VEGFC: variants seen among roughly 807,000 people sequenced by gnomAD.
VEGFC encodes vascular endothelial growth factor C, also known as FLT4 ligand DHM.
VEGFC carries 12 observed loss-of-function variants against 46.1 expected under a neutral mutation model. The observed-to-expected ratio is 0.26, with a 90% CI of 0.17 to 0.42. The LOEUF is 0.42. Ranked by LOEUF, VEGFC falls within the 10% of genes least tolerant of loss-of-function variation. The pLI is 1.00. For missense variants in VEGFC, 488 were observed against 529.4 expected, an observed-to-expected ratio of 0.92 and a Z score of 0.77; for synonymous variants, 232 against 195.5, an observed-to-expected ratio of 1.19 and a Z score of -1.56.
chr4:176,687,491 C>G lies in VEGFC; in HGVS notation c.841G>C (p.Gly281Arg), dbSNP rs769963677. 5 of 1,610,064 alleles carry G rather than the reference C, an allele frequency of 3.1e-6. No homozygotes were observed. Among genetic ancestry groups the G allele is most frequent in the Non-Finnish European group, 4.2e-6 (5 of 1,178,044 alleles). ...DSTDGFHDIC[G>R]PNKELDEETC... The stretch of plus-strand genomic sequence containing the variant: ...TCTTCATCCAGCTCCTTGTTTGGTC[C>G]ACAGATGTCATGGAATCCATCTGTT... Residue 281 changes from glycine (G) to arginine (R), a missense_variant, in exon 6 of 7, where the codon GGA becomes CGA. Coordinates refer to ENST00000618562, the MANE Select transcript of VEGFC (RefSeq NM_005429.5).
intron 1 of VEGFC, among the ~76,000 whole-genome samples, chr4:176,770,311 C>T (rs1040768614): frequency 2.0e-5 from 3 of 152,116 alleles, no homozygotes; most frequent in Non-Finnish European, 2.9e-5. Flanking sequence ...TATTAAATTT[C>T]TTCTCAAAAC....
chr4:176,757,578 G>A (rs1015949653), intron 1 of VEGFC, among the ~76,000 whole-genome samples: 2 of 141,990 alleles, frequency 1.4e-5, no homozygotes, highest in African/African-American at 5.2e-5. Flanking sequence ...TATTACCAGG[G>A]CTAAAAAACT....
Position 176,711,667 on chromosome 4 carries a change from A to G in VEGFC, c.553-17T>C. The G allele has an allele frequency of 6.2e-7, 1 of 1,609,966 alleles. No individual in the cohort carries two copies. On this transcript the variant is annotated splice_polypyrimidine_tract_variant and intron_variant, in intron 3 of 6. Transcript: ENST00000618562. ...TTCAAATAACTACAAAGAAGGGACA[A>G]AAAGAAGAAAAAATTATATAGATGC...
intron 1 of VEGFC, among the ~76,000 whole-genome samples, chr4:176,760,720 T>C (rs1447389338): frequency 6.6e-6 from 1 of 152,202 alleles, no homozygotes; most frequent in Non-Finnish European, 1.5e-5. Context: ...AGCCAATTTT[T>C]CCCATGCATG....
Position 176,692,407 on chromosome 4 carries a change from CA to C in VEGFC, c.705-4481del, listed in dbSNP as rs1213189999. Among the ~76,000 whole-genome samples the C allele has an allele frequency of 4.3e-5, 5 of 115,738 alleles. 1 individual carries two copies. Among genetic ancestry groups the C allele is most frequent in the African/African-American group, 2.8e-4 (5 of 17,772 alleles). 75.9% of individuals were successfully genotyped at this position (115,738 alleles called of 152,430 possible). A position where few individuals can be genotyped will look rare whatever the true frequency, so the allele number is the denominator to read the frequency against. ...AGACTCCGTCTCAAAAACAAACAAA[CA>C]AACAAACAAAAAAAAAACAAAAAAC... On this transcript the variant is annotated intron_variant, in intron 4 of 6. Coordinates refer to ENST00000618562, the MANE Select transcript of VEGFC (RefSeq NM_005429.5).
At chr4:176,762,119 G>C (rs1415237442) in intron 1 of VEGFC, among the ~76,000 whole-genome samples, 1 of 152,120 alleles carries the variant, frequency 6.6e-6, no homozygotes, top group Non-Finnish European at 1.5e-5. Flanking sequence ...CAGAACATGA[G>C]GCCTGAAACT....
intron 3 of VEGFC, among the ~76,000 whole-genome samples, chr4:176,722,488 G>GTTTTTTTTTT (rs138526102): frequency 7.4e-6 from 1 of 134,978 alleles, no homozygotes; most frequent in Admixed American, 7.4e-5. Flanking sequence ...TTTTTCTTTT[G>GTTTTTTTTTT]TTTTTTTTTT....
intron 1 of VEGFC, among the ~76,000 whole-genome samples, chr4:176,743,121 A>G (rs1040287644): frequency 2.0e-5 from 3 of 152,050 alleles, no homozygotes; most frequent in African/African-American, 7.2e-5. Context: ...CAAGTGAGAG[A>G]GTCAAAAGGT....
intron 3 of VEGFC, among the ~76,000 whole-genome samples, chr4:176,716,649 A>T (rs1734705770): frequency 6.6e-6 from 1 of 151,584 alleles, no homozygotes; most frequent in Non-Finnish European, 1.5e-5. Flanking sequence ...GGTGAATGAG[A>T]ACATACATAT....
chr4:176,688,094 G>A (rs1165538510), intron 4 of VEGFC, among the ~76,000 whole-genome samples, 167 bp from the exon 5 acceptor site: 2 of 152,146 alleles, frequency 1.3e-5, no homozygotes, highest in African/African-American at 2.4e-5. Context: ...ACCCACAACT[G>A]CTATAAAATT....
chr4:176,740,517 AGAG>A (rs1735154173), intron 1 of VEGFC, among the ~76,000 whole-genome samples: 1 of 21,942 alleles, frequency 4.6e-5, no homozygotes. Flanking sequence ...TTCTATATAT[AGAG>A]AGTATATATA....
chr4:176,757,652 C>G lies in VEGFC; in HGVS notation c.148-27906G>C, dbSNP rs549246013. On this transcript the variant is annotated intron_variant, in intron 1 of 6. Coordinates refer to ENST00000618562, the MANE Select transcript of VEGFC (RefSeq NM_005429.5). ...TAACAATTTTTGTGATTATTCACCACCTTGGGTTTAACTTTTAAATTCTCT... is the reference window on the plus strand; with the variant it reads ...TAACAATTTTTGTGATTATTCACCAGCTTGGGTTTAACTTTTAAATTCTCT... Among the ~76,000 whole-genome samples, 5 of 151,798 alleles carry G rather than the reference C, an allele frequency of 3.3e-5. No homozygotes were observed. In the South Asian group the frequency reaches 8.3e-4, roughly 25 times the overall value.
chr4:176,776,547 G>C (rs1227313121), intron 1 of VEGFC, among the ~76,000 whole-genome samples: 2 of 152,250 alleles, frequency 1.3e-5, no homozygotes, highest in Non-Finnish European at 2.9e-5. Context: ...ACAATGAGTA[G>C]AAGCAGCACA....
chr4:176,756,341 A>C (rs957248971), intron 1 of VEGFC, among the ~76,000 whole-genome samples: 3 of 152,080 alleles, frequency 2.0e-5, no homozygotes, highest in African/African-American at 7.2e-5. Context: ...AAGTAGAATC[A>C]ATTAAGGAAT....
At chr4:176,739,955 ATATAT>A (rs1400083808) in intron 1 of VEGFC, among the ~76,000 whole-genome samples, 1 of 22,742 alleles carries the variant, frequency 4.4e-5, no homozygotes, top group Non-Finnish European at 2.1e-4. Flanking sequence ...ATATATAACT[ATATAT>A]TCGATATATC....
In VEGFC at chr4:176,792,264, A is replaced by G; in HGVS notation, c.48T>C (p.Ala16=). 1.9e-6 allele frequency: 3 copies of G among 1,553,564 alleles called. No individual in the cohort carries two copies. The highest frequency in any genetic ancestry group is 2.6e-5 in the East Asian group (1 of 39,090). ...FFSVACSLLA[A]ALLPGPREAP... ...CCTCGCGAGGACCCGGGAGCAGCGCAGCGGCGAGCAGAGAACACGCCACAG... is the reference window on the plus strand; with the variant it reads ...CCTCGCGAGGACCCGGGAGCAGCGCGGCGGCGAGCAGAGAACACGCCACAG... The change falls in exon 1 of 7, where the codon GCT becomes GCC. Residue 16 remains alanine, a synonymous_variant. Coordinates refer to ENST00000618562, the MANE Select transcript of VEGFC (RefSeq NM_005429.5). The surrounding 1 kb of genome is among the most constrained non-coding windows in gnomAD (Gnocchi z 6.3).
At chr4:176,736,080 T>G (rs1735048342) in intron 1 of VEGFC, among the ~76,000 whole-genome samples, 1 of 151,664 alleles carries the variant, frequency 6.6e-6, no homozygotes, top group South Asian at 2.1e-4. Context: ...ACCCACCTCC[T>G]CCATGGAATC....
chr4:176,780,331 G>A (rs779266207), intron 1 of VEGFC, among the ~76,000 whole-genome samples: 6 of 133,978 alleles, frequency 4.5e-5, no homozygotes, highest in Admixed American at 9.0e-5. Context: ...GCAGTGAGCC[G>A]AGATTACCCC....
At position 176,727,941 on chromosome 4, in the gene VEGFC, T is replaced by C. The variant is rs1290145233; in HGVS notation, c.389A>G (p.Gln130Arg). ...KSIDNEWRKT[Q>R]CMPREVCIDV... ...TATACACACCTCCCGTGGCATGCAT[T>C]GAGTCTTTCTCCACTCATTATCAAT... The change falls in exon 3 of 7, where the codon CAA becomes CGA. Residue 130 changes from glutamine (Q) to arginine (R), a missense_variant. Gln to Arg is a conservative substitution (Grantham distance 43, BLOSUM62 1). Coordinates refer to ENST00000618562, the MANE Select transcript of VEGFC (RefSeq NM_005429.5). 6.2e-7 allele frequency: 1 copy of C among 1,612,254 alleles called. No individual in the cohort carries two copies. Among genetic ancestry groups the C allele is most frequent in the Non-Finnish European group, 8.5e-7 (1 of 1,178,966 alleles).
Sources: gnomAD v4.1 joint callset for allele counts (sites outside exome capture counted in the v4.1 genomes callset) on GRCh38, gnomAD v4.1.1 for gene constraint, Gnocchi (gnomAD v3.1) non-coding constraint, MANE v1.5 for transcripts, NCBI Gene and HGNC (gene_info 2026-07-23, HGNC 2026-07-21) for gene names.